Variants in CRACDL observed in about 807,000 individuals in gnomAD.
CRACDL encodes CRACD-like protein.
CRACDL carries 26 observed loss-of-function variants against 70.6 expected under a neutral mutation model. The observed-to-expected ratio is 0.37, with a 90% CI of 0.27 to 0.51. The LOEUF (loss-of-function observed/expected upper bound fraction) is 0.51. Among genes scored for constraint, CRACDL ranks in the 20% least tolerant of loss-of-function variants. The probability of loss-of-function intolerance (pLI) is 0.94; values close to 1 mark genes in which losing one functional copy is unlikely to be tolerated. For missense variants in CRACDL, 1,283 were observed against 1,376.9 expected (o/e 0.93, Z 1.08); for synonymous variants, 618 against 615.2 (o/e 1.00, Z -0.07).
At chr2:98,900,049 C>T (rs545443486) in intron 1 of CRACDL, among the ~76,000 whole-genome samples, 3 of 98,910 alleles carry the variant, frequency 3.0e-5, no homozygotes, top group Admixed American at 1.3e-4. Context: ...GGCAGATGGA[C>T]AGAGGCTCAG....
intron 1 of CRACDL, among the ~76,000 whole-genome samples, chr2:98,878,308 T>C (rs1323934973): frequency 6.6e-6 from 1 of 152,232 alleles, no homozygotes; most frequent in Admixed American, 6.5e-5. Flanking sequence ...TATGTTCAGA[T>C]ACTGTCCCTT....
At chr2:98,889,340 AAAGG>A (rs1553399268) in intron 1 of CRACDL, among the ~76,000 whole-genome samples, 8 of 128,192 alleles carry the variant, frequency 6.2e-5, no homozygotes, top group African/African-American at 2.3e-4. Context: ...AGAAAGAAAG[AAAGG>A]AAACAGTAAC....
chr2:98,895,436 C>T (rs1268231475), intron 1 of CRACDL, among the ~76,000 whole-genome samples: 7 of 151,962 alleles, frequency 4.6e-5, no homozygotes, highest in South Asian at 4.1e-4. Context: ...AAATACGGTG[C>T]GTGGGAAGGA....
chr2:98,825,765 C>T (rs1421060010), intron 6 of CRACDL, among the ~76,000 whole-genome samples: 2 of 152,222 alleles, frequency 1.3e-5, no homozygotes, highest in Non-Finnish European at 2.9e-5. Context: ...GGCACATCAG[C>T]CTGAAGGTAA....
At chr2:98,867,712 G>A (rs1395403169) in intron 1 of CRACDL, among the ~76,000 whole-genome samples, 1 of 152,148 alleles carries the variant, frequency 6.6e-6, no homozygotes, top group Non-Finnish European at 1.5e-5. Context: ...ACTTGGCAAC[G>A]TTCAGTCTCT....
At chr2:98,818,898 T>A (rs1274037396) in intron 7 of CRACDL, among the ~76,000 whole-genome samples, 1 of 152,168 alleles carries the variant, frequency 6.6e-6, no homozygotes, top group Non-Finnish European at 1.5e-5. Flanking sequence ...CCACTGCCCC[T>A]GCCCCCAGAG....
chr2:98,808,445 C>T (rs1481137974), intron 7 of CRACDL, among the ~76,000 whole-genome samples: 4 of 152,118 alleles, frequency 2.6e-5, no homozygotes, highest in Admixed American at 6.5e-5. Context: ...AGCTTCTGCC[C>T]AAAGAAACCC....
intron 1 of CRACDL, chr2:98,897,395 G>A (rs937740664): frequency 2.7e-5 from 35 of 1,303,168 alleles, no homozygotes; most frequent in African/African-American, 4.6e-5. Flanking sequence ...TTGCACGGAC[G>A]CCAAAGAAAT....
At chr2:98,914,461 C>A (rs1708620322) in intron 1 of CRACDL, among the ~76,000 whole-genome samples, 1 of 152,246 alleles carries the variant, frequency 6.6e-6, no homozygotes, top group Admixed American at 6.5e-5. Flanking sequence ...ACCCAGACAT[C>A]AGGTTACGGA....
chr2:98,926,676 A>G (rs1708916123), intron 1 of CRACDL, among the ~76,000 whole-genome samples: 1 of 152,236 alleles, frequency 6.6e-6, no homozygotes, highest in African/African-American at 2.4e-5. Context: ...AGACACCTGA[A>G]TTCACAGTAA....
chr2:98,836,977 CGGGAGGCTGAGGCAGGAGGATG>C (rs1705813901), intron 3 of CRACDL, among the ~76,000 whole-genome samples: 2 of 151,214 alleles, frequency 1.3e-5, no homozygotes, highest in Non-Finnish European at 2.9e-5. Context: ...CCCAGCTACT[CGGGAGGCTGAGGCAGGAGGATG>C]GCGTGAACCC....
At chr2:98,862,385 A>G (rs1189238809) in intron 1 of CRACDL, among the ~76,000 whole-genome samples, 1 of 152,204 alleles carries the variant, frequency 6.6e-6, no homozygotes, top group Admixed American at 6.5e-5. Flanking sequence ...AAAAATCACA[A>G]GGCATACAAA....
At position 98,823,005 on chromosome 2, in the gene CRACDL, T is replaced by G. The variant is rs1044083074; in HGVS notation, c.1268A>C (p.Glu423Ala). 6.6e-7 allele frequency: 1 copy of G among 1,513,346 alleles called. No individual in the cohort carries two copies. Among genetic ancestry groups the G allele is most frequent in the African/African-American group, 1.5e-5 (1 of 68,642 alleles). 93.7% of individuals were successfully genotyped at this position (1,513,346 alleles called of 1,614,324 possible). A position where few individuals can be genotyped will look rare whatever the true frequency, so the allele number is the denominator to read the frequency against. Residue 423 changes from glutamate (E) to alanine (A), a missense_variant, in exon 7 of 10, where the codon GAG (glutamate) becomes GCG (alanine). Coordinates refer to ENST00000397899, the MANE Select transcript of CRACDL (RefSeq NM_207362.3). The surrounding 1 kb of genome is among the most constrained non-coding windows in gnomAD (Gnocchi z 4.0). ...PPETDPAATS[E>A]APSARDGPER... Reference sequence around the variant, plus strand: ...TGGCCCGTCGCGAGCAGAGGGCGCCTCTGAGGTGGCGGCGGGGTCAGTCTC... The same window carrying G: ...TGGCCCGTCGCGAGCAGAGGGCGCCGCTGAGGTGGCGGCGGGGTCAGTCTC...
At chr2:98,899,289 A>AG (rs1708205734) in intron 1 of CRACDL, among the ~76,000 whole-genome samples, 2 of 152,264 alleles carry the variant, frequency 1.3e-5, no homozygotes, top group African/African-American at 2.4e-5. Flanking sequence ...TCAGACGTTA[A>AG]GCCTTTTAAA....
intron 1 of CRACDL, among the ~76,000 whole-genome samples, chr2:98,913,298 A>C (rs1312696292): frequency 3.9e-5 from 6 of 152,168 alleles, no homozygotes; most frequent in Admixed American, 3.9e-4. Flanking sequence ...AGTGCTGTCT[A>C]GAGGGAAGCC....
intron 1 of CRACDL, among the ~76,000 whole-genome samples, chr2:98,927,797 T>C (rs1475625952): frequency 6.6e-6 from 1 of 152,212 alleles, no homozygotes; most frequent in Non-Finnish European, 1.5e-5. Flanking sequence ...CAATGGAATT[T>C]CTTGCAGCCC....
chr2:98,916,358 C>T (rs747291434), intron 1 of CRACDL, among the ~76,000 whole-genome samples: 5 of 152,080 alleles, frequency 3.3e-5, no homozygotes, highest in Non-Finnish European at 5.9e-5. Context: ...GGATTATGGA[C>T]GTGCATGAGG....
intron 1 of CRACDL, among the ~76,000 whole-genome samples, chr2:98,898,226 C>T (rs1457120551): frequency 6.6e-6 from 1 of 152,202 alleles, no homozygotes; most frequent in Non-Finnish European, 1.5e-5. Context: ...GTATTTCACA[C>T]ATAAAAGAGA....
At chr2:98,918,723 T>C (rs1348735403) in intron 1 of CRACDL, among the ~76,000 whole-genome samples, 2 of 152,128 alleles carry the variant, frequency 1.3e-5, no homozygotes, top group African/African-American at 4.8e-5. Flanking sequence ...TTGTTGATCA[T>C]TCGTGTGTCT....
Sources: gnomAD v4.1 joint callset for allele counts (sites outside exome capture counted in the v4.1 genomes callset) on GRCh38, gnomAD v4.1.1 for gene constraint, Gnocchi (gnomAD v3.1) non-coding constraint, MANE v1.5 for transcripts, NCBI Gene and HGNC (gene_info 2026-07-23, HGNC 2026-07-21) for gene names.